The following XAB2 variants were observed in gnomAD, a reference collection of about 807,000 sequenced individuals.
XAB2 encodes the protein pre-mRNA-splicing factor SYF1.
In XAB2, 57 loss-of-function variants were observed where a neutral mutation model predicts 113.4. The observed-to-expected ratio is 0.50, with a 90% CI of 0.41 to 0.63. XAB2 has a LOEUF of 0.63. Ranked by LOEUF, XAB2 falls within the 20% of genes least tolerant of loss-of-function variation. The pLI is 0.00. For synonymous variants in XAB2, 497 were observed against 498.8 expected (o/e 1.00, Z 0.05); for missense variants, 1,037 against 1,233.3 (o/e 0.84, Z 2.38).
rs532926186 is a variant in XAB2 at position 7,627,549 on chromosome 19, C to T, written c.325-109G>A. ...CACACCTGGGGCCACCACATAAATGCGGCGGGACCCAGAAACCCCCAGCTC... is the reference window on the plus strand; with the variant it reads ...CACACCTGGGGCCACCACATAAATGTGGCGGGACCCAGAAACCCCCAGCTC... On this transcript the variant is annotated intron_variant, in intron 3 of 18. Transcript: ENST00000358368. The surrounding 1 kb of genome is among the most constrained non-coding windows in gnomAD (Gnocchi z 4.5). 1.3e-5 allele frequency: 20 copies of T among 1,500,644 alleles called. No homozygotes were observed. Among genetic ancestry groups the T allele is most frequent in the African/African-American group, 2.8e-5 (2 of 72,230 alleles). 93.0% of individuals were successfully genotyped at this position (1,500,644 alleles called of 1,614,324 possible). A position where few individuals can be genotyped will look rare whatever the true frequency, so the allele number is the denominator to read the frequency against.
Position 7,628,393 on chromosome 19 carries a change from C to A in XAB2, c.52-95G>T. The A allele has an allele frequency of 6.6e-7, 1 of 1,507,444 alleles. No individual in the cohort carries two copies. Among genetic ancestry groups the A allele is most frequent in the Non-Finnish European group, 9.0e-7 (1 of 1,107,488 alleles). 93.4% of individuals were successfully genotyped at this position (1,507,444 alleles called of 1,614,324 possible). On this transcript the variant is annotated intron_variant, in intron 1 of 18. Coordinates refer to ENST00000358368, the MANE Select transcript of XAB2 (RefSeq NM_020196.3). The surrounding 1 kb of genome is among the most constrained non-coding windows in gnomAD (Gnocchi z 4.6). ...CTGGGGCTCAGGTCCAAACTCCGGA[C>A]TTTTACCTAGATCCCACCACCCACC...
chr19:7,627,120 A>C lies in XAB2; in HGVS notation c.522+123T>G. The C allele has an allele frequency of 2.7e-6, 3 of 1,096,006 alleles. No individual in the cohort carries two copies. Among genetic ancestry groups the C allele is most frequent in the Non-Finnish European group, 4.0e-6 (3 of 759,458 alleles). 67.9% of individuals were successfully genotyped at this position (1,096,006 alleles called of 1,614,324 possible). ...TGAATCACGGACAACAACAAAACAC[A>C]TGCATCTCCAGGAGCCTCTTCCCAC... On this transcript the variant is annotated intron_variant, in intron 4 of 18. Transcript: ENST00000358368. This position sits in a 1 kb window ranked among gnomAD's most constrained non-coding sequence, Gnocchi z 4.5.
Position 7,623,173 on chromosome 19 carries a change from G to A in XAB2, c.1236C>T (p.Asp412=), listed in dbSNP as rs759066780. 40 of 1,613,378 alleles carry A rather than the reference G, an allele frequency of 2.5e-5. No homozygotes were observed. The highest frequency in any genetic ancestry group is 3.3e-5 in the Admixed American group (2 of 60,010). The change falls in exon 9 of 19, where the codon GAC becomes GAT. Residue 412 remains aspartate, a synonymous_variant. Coordinates refer to ENST00000358368, the MANE Select transcript of XAB2 (RefSeq NM_020196.3). This position sits in a 1 kb window ranked among gnomAD's most constrained non-coding sequence, Gnocchi z 4.6. ...AKFYEDNGQL[D]DARVILEKAT... ...GCACACGCAACAGGGTGCTCACATC[G>A]TCCAGCTGTCCGTTGTCCTCATAAA...
At chr19:7,622,260 G>GT (rs1317787737) in intron 12 of XAB2, 71 bp downstream of exon 12, 5 of 1,427,294 alleles carry the variant, frequency 3.5e-6, no homozygotes, top group Non-Finnish European at 4.9e-6. Flanking sequence ...CAGCAGATTC[G>GT]TAAGTTGCTG....
At chr19:7,622,988 A>C in intron 9 of XAB2, 95 bp from the exon 10 acceptor site, 1 of 1,557,244 alleles carries the variant, frequency 6.4e-7, no homozygotes, top group East Asian at 2.4e-5. Context: ...ACAAACATAC[A>C]GGCACAAACA....
At chr19:7,626,381 C>T in intron 4 of XAB2, 111 bp from the exon 5 acceptor site, 1 of 1,469,042 alleles carries the variant, frequency 6.8e-7, no homozygotes, top group African/African-American at 1.4e-5. Flanking sequence ...GTGTCTTGGG[C>T]AAAAGCAAGC....
At chr19:7,622,990 G>T (rs1368924772) in intron 9 of XAB2, 97 bp from the exon 10 acceptor site, 1 of 1,555,880 alleles carries the variant, frequency 6.4e-7, no homozygotes, top group East Asian at 2.4e-5. Context: ...AAACATACAG[G>T]CACAAACACA....
chr19:7,626,106 C>T (rs1375498031), intron 5 of XAB2, 30 bp downstream of exon 5: 2 of 1,612,534 alleles, frequency 1.2e-6, no homozygotes, highest in Middle Eastern at 1.6e-4. Context: ...GTGGCCCTCC[C>T]ACCCAGTTGC....
chr19:7,619,717 C>A, intron 18 of XAB2, 30 bp downstream of exon 18: 1 of 1,611,658 alleles, frequency 6.2e-7, no homozygotes, highest in South Asian at 1.1e-5. Context: ...CCTGGTAATG[C>A]CACCGTCCCC....
rs372354702 is a variant in XAB2, at chr19:7,622,720, A to G, written c.1371+42T>C. The G allele has an allele frequency of 2.0e-5, 33 of 1,612,998 alleles. No homozygotes were observed. In the African/African-American group the frequency reaches 3.6e-4, roughly 18 times the overall value. On this transcript the variant is annotated intron_variant, in intron 10 of 18. Coordinates refer to ENST00000358368, the MANE Select transcript of XAB2 (RefSeq NM_020196.3). Reference sequence around the variant, plus strand: ...AGGGGCTGTCCCTGGCCCTTGCCCTACAACCTGCAGCCCCCACCCCACAGC... The same window carrying G: ...AGGGGCTGTCCCTGGCCCTTGCCCTGCAACCTGCAGCCCCCACCCCACAGC...
Position 7,623,612 on chromosome 19 carries a change from T to C in XAB2, c.1119+119A>G. 7.3e-7 allele frequency: 1 copy of C among 1,377,016 alleles called. No individual in the cohort carries two copies. Among genetic ancestry groups the C allele is most frequent in the Non-Finnish European group, 9.8e-7 (1 of 1,023,480 alleles). The allele number at this position is 1,377,016 out of a possible 1,614,324, so 85.3% of individuals were successfully genotyped here. A position where few individuals can be genotyped will look rare whatever the true frequency, so the allele number is the denominator to read the frequency against. ...GAGAACCCCAAGAACAGGGGTGGAATTGGACCTACTAAGCAAAGTCAGGCC... is the reference window on the plus strand; with the variant it reads ...GAGAACCCCAAGAACAGGGGTGGAACTGGACCTACTAAGCAAAGTCAGGCC... On this transcript the variant is annotated intron_variant, in intron 8 of 18. Transcript: ENST00000358368. The surrounding 1 kb of genome is among the most constrained non-coding windows in gnomAD (Gnocchi z 4.6).
In XAB2 at chr19:7,619,735, C is replaced by G; in HGVS notation, c.2506+12G>C. 6.2e-7 allele frequency: 1 copy of G among 1,613,334 alleles called. No individual in the cohort carries two copies. Among genetic ancestry groups the G allele is most frequent in the Non-Finnish European group, 8.5e-7 (1 of 1,179,678 alleles). Reference sequence around the variant, plus strand: ...GGTAATGCCACCGTCCCCGCCCCAGCCGGGCCCTCACCGTTGGGCTCCAGG... The same window carrying G: ...GGTAATGCCACCGTCCCCGCCCCAGGCGGGCCCTCACCGTTGGGCTCCAGG... On this transcript the variant is annotated intron_variant, in intron 18 of 18. Transcript: ENST00000358368.
rs945740761 is a variant in XAB2 at position 7,625,031 on chromosome 19, C to T, written c.823-586G>A. ...CATACCGCCCACACCCCACTGGCGG[C>T]TCCCCCAGCCAGGAGCATGGCCAGC... On this transcript the variant is annotated intron_variant, in intron 6 of 18. Transcript: ENST00000358368. This position sits in a 1 kb window ranked among gnomAD's most constrained non-coding sequence, Gnocchi z 5.2. Among the ~76,000 whole-genome samples, 7 of 152,252 alleles carry T rather than the reference C, an allele frequency of 4.6e-5. No homozygotes were observed. Among genetic ancestry groups the T allele is most frequent in the Admixed American group, 4.6e-4 (7 of 15,292 alleles).
At chr19:7,622,699 G>A in intron 10 of XAB2, 38 bp from the exon 11 acceptor site, 2 of 1,612,474 alleles carry the variant, frequency 1.2e-6, no homozygotes, top group Non-Finnish European at 1.7e-6. Context: ...GCGCTCAGGG[G>A]CTGTCCCTGG....
chr19:7,621,464 G>A lies in XAB2; in HGVS notation c.1618-167C>T, dbSNP rs2031032655. On this transcript the variant is annotated intron_variant, in intron 12 of 18. Transcript: ENST00000358368. ...TGGCAGTTGTGGGGGTCTGTCCTCT[G>A]CACTGTCTCCCTCTGTGAGAACCCC... 22 of 699,090 alleles carry A rather than the reference G, an allele frequency of 3.1e-5. No homozygotes were observed. In the South Asian group the frequency reaches 4.0e-4, roughly 13 times the overall value. 43.3% of individuals were successfully genotyped at this position (699,090 alleles called of 1,614,324 possible).
Position 7,627,554 on chromosome 19 carries a change from G to A in XAB2, c.325-114C>T. The A allele has an allele frequency of 6.6e-7, 1 of 1,508,682 alleles. No individual in the cohort carries two copies. The highest frequency in any genetic ancestry group is 1.8e-5 in the Admixed American group (1 of 54,370). The allele number at this position is 1,508,682 out of a possible 1,614,324, so 93.5% of individuals were successfully genotyped here. ...CTGGGGCCACCACATAAATGCGGCG[G>A]GACCCAGAAACCCCCAGCTCCAGGA... On this transcript the variant is annotated intron_variant, in intron 3 of 18. Transcript: ENST00000358368. This position sits in a 1 kb window ranked among gnomAD's most constrained non-coding sequence, Gnocchi z 4.5.
rs767962259 is a variant in XAB2 at position 7,619,631 on chromosome 19, C to T, written c.2523G>A (p.Gln841=). ...CAAACACTGCGGCTGGCACGCTCTG[C>T]TGCTCCAGCCGAACCTCTGTGGGGA... is the stretch of plus-strand genomic sequence containing the variant. ...DLEPNEVRLE[Q]QSVPAAVFGS... is the part of the protein sequence containing the mutation. The change falls in exon 19 of 19, where the codon CAG becomes CAA. Residue 841 remains glutamine, a synonymous_variant. Transcript: ENST00000358368. 1 of 1,603,586 alleles carries T rather than the reference C, an allele frequency of 6.2e-7. No individual in the cohort carries two copies. Among genetic ancestry groups the T allele is most frequent in the South Asian group, 1.1e-5 (1 of 89,548 alleles).
rs556702145 is a variant in XAB2, at chr19:7,627,405, G to A, written c.360C>T (p.Leu120=). Residue 120 remains leucine (L), a synonymous_variant, in exon 4 of 19, where the codon CTC becomes CTT. Transcript: ENST00000358368. This position sits in a 1 kb window ranked among gnomAD's most constrained non-coding sequence, Gnocchi z 4.5. ...TGTGTGTGACGCGCCCCTGGTCCAT[G>A]AGGAACTGGCAGTAATCTAGCCACA... is the stretch of plus-strand genomic sequence containing the variant. ...PRLWLDYCQF[L]MDQGRVTHTR... 5.0e-6 allele frequency: 8 copies of A among 1,606,784 alleles called. No individual in the cohort carries two copies. In the South Asian group the frequency reaches 5.5e-5, roughly 11 times the overall value.
chr19:7,620,495 T>C (rs375490958), intron 15 of XAB2, 49 bp from the exon 16 acceptor site: 70 of 1,609,712 alleles, frequency 4.3e-5, no homozygotes, highest in Admixed American at 6.7e-5. Context: ...GTGAGCTGGC[T>C]GACTCCGCCG....
Sources: allele counts gnomAD v4.1 joint callset (sites outside exome capture counted in the v4.1 genomes callset), GRCh38; gene constraint gnomAD v4.1.1; non-coding constraint Gnocchi (gnomAD v3.1); transcripts MANE v1.5; gene names NCBI Gene and HGNC (gene_info 2026-07-23, HGNC 2026-07-21).